Variants in NRG3 observed in about 807,000 individuals in gnomAD.
NRG3 encodes the protein neuregulin 3.
Under a neutral mutation model 66.9 loss-of-function variants are expected in NRG3, and 31 were observed. The observed-to-expected ratio is 0.46, with a 90% CI of 0.35 to 0.63. NRG3 has a LOEUF of 0.63. Ranked by LOEUF, NRG3 falls within the 20% of genes least tolerant of loss-of-function variation. NRG3 has a pLI of 0.00. For missense variants in NRG3, 910 were observed against 878.9 expected (o/e 1.04, Z -0.45); for synonymous variants, 393 against 359.4 (o/e 1.09, Z -1.06).
intron 1 of NRG3, among the ~76,000 whole-genome samples, chr10:81,913,875 C>A (rs1845420067): frequency 1.3e-5 from 2 of 152,268 alleles, no homozygotes; most frequent in Non-Finnish European, 2.9e-5. Flanking sequence ...TTGAAACATA[C>A]TTTAAAAGAT....
rs186403093 is a variant in NRG3, at chr10:82,531,812, T to C, written c.953+172944T>C. On this transcript the variant is annotated intron_variant, in intron 2 of 8. Coordinates refer to ENST00000372141, the MANE Select transcript of NRG3 (RefSeq NM_001010848.4). ...TTTTCTTTAAATTTTTATTTTGTAATGTTAAGAACATTTAACATGATACCT... is the reference window on the plus strand; with the variant it reads ...TTTTCTTTAAATTTTTATTTTGTAACGTTAAGAACATTTAACATGATACCT... Among the ~76,000 whole-genome samples the C allele has an allele frequency of 1.4e-4, 21 of 152,036 alleles. No individual in the cohort carries two copies. In the East Asian group the frequency reaches 4.1e-3, roughly 29 times the overall value.
chr10:82,492,113 C>T (rs1480981713), intron 2 of NRG3, among the ~76,000 whole-genome samples: 1 of 152,116 alleles, frequency 6.6e-6, no homozygotes, highest in African/African-American at 2.4e-5. Flanking sequence ...CTCTTTGAAT[C>T]AATTGGCGTT....
At chr10:82,598,690 AC>A (rs2047432005) in intron 2 of NRG3, among the ~76,000 whole-genome samples, 1 of 152,212 alleles carries the variant, frequency 6.6e-6, no homozygotes, top group Non-Finnish European at 1.5e-5. Flanking sequence ...TTTGTGAAAT[AC>A]TGTCTCTGGT....
rs1011873363 is a variant in NRG3, at chr10:82,528,994, T to C, written c.953+170126T>C. Among the ~76,000 whole-genome samples the C allele has an allele frequency of 3.3e-5, 5 of 152,328 alleles. No individual in the cohort carries two copies. In the East Asian group the frequency reaches 9.6e-4, roughly 29 times the overall value. ...GTAATAAAATTGTCATTAATAACCA[T>C]GACATTTAAATAATCTGGAATGCTT... is the stretch of plus-strand genomic sequence containing the variant. On this transcript the variant is annotated intron_variant, in intron 2 of 8. Coordinates refer to ENST00000372141, the MANE Select transcript of NRG3 (RefSeq NM_001010848.4).
chr10:82,051,670 G>A, intron 1 of NRG3, among the ~76,000 whole-genome samples: 1 of 152,152 alleles, frequency 6.6e-6, no homozygotes. Flanking sequence ...TATGAAGGAT[G>A]AAAAATGAGT....
intron 2 of NRG3, among the ~76,000 whole-genome samples, chr10:82,669,650 C>A (rs1046431326): frequency 6.6e-6 from 1 of 152,100 alleles, no homozygotes; most frequent in African/African-American, 2.4e-5. Flanking sequence ...CGCAACATGC[C>A]GGGCGCGGTG....
chr10:82,514,184 T>C (rs972900510), intron 2 of NRG3, among the ~76,000 whole-genome samples: 3 of 152,230 alleles, frequency 2.0e-5, no homozygotes, highest in African/African-American at 7.2e-5. Flanking sequence ...CAGAATCTCT[T>C]TAGTTTAACA....
At chr10:82,043,873 T>C (rs111972008) in intron 1 of NRG3, among the ~76,000 whole-genome samples, 111 of 152,224 alleles carry the variant, frequency 7.3e-4, no homozygotes, top group African/African-American at 2.5e-3. Flanking sequence ...ATATTTCTGG[T>C]GTACAAAACA....
chr10:82,980,094 G>T (rs1436206675), intron 8 of NRG3, among the ~76,000 whole-genome samples: 3 of 151,848 alleles, frequency 2.0e-5, no homozygotes, highest in African/African-American at 7.3e-5. Flanking sequence ...GGTCCCAGCT[G>T]CTTGGGAGGC....
chr10:82,288,455 C>T (rs2079542704), intron 1 of NRG3, among the ~76,000 whole-genome samples: 1 of 152,114 alleles, frequency 6.6e-6, no homozygotes, highest in Non-Finnish European at 1.5e-5. Context: ...GAAGTGCTTT[C>T]ACTGAGGCTC....
intron 2 of NRG3, among the ~76,000 whole-genome samples, chr10:82,419,153 C>G: frequency 6.6e-6 from 1 of 152,098 alleles, no homozygotes; most frequent in South Asian, 2.1e-4. Context: ...CTACCCTGAG[C>G]TTAGTGAAAT....
At chr10:82,200,798 G>C (rs995496761) in intron 1 of NRG3, among the ~76,000 whole-genome samples, 1 of 152,054 alleles carries the variant, frequency 6.6e-6, no homozygotes, top group African/African-American at 2.4e-5. Context: ...GGAGTTGAGA[G>C]TTTCAGAAAA....
intron 1 of NRG3, among the ~76,000 whole-genome samples, chr10:82,253,365 A>C (rs961400303): frequency 6.6e-6 from 1 of 152,108 alleles, no homozygotes; most frequent in Non-Finnish European, 1.5e-5. Flanking sequence ...CCTTCTCCAC[A>C]TTGACAACCA....
chr10:82,890,444 G>A (rs188279422), intron 4 of NRG3, among the ~76,000 whole-genome samples: 5 of 151,916 alleles, frequency 3.3e-5, no homozygotes, highest in African/African-American at 4.8e-5. Context: ...TGTATCACCC[G>A]AACAAAACTG....
In NRG3 at chr10:82,594,555, C is replaced by T. The variant is rs979299847; in HGVS notation, c.954-144022C>T. Among the ~76,000 whole-genome samples the T allele has an allele frequency of 7.9e-5, 12 of 152,142 alleles. 1 individual carries two copies. The highest frequency in any genetic ancestry group is 5.9e-4 in the Admixed American group (9 of 15,272). ...TAATGGTTATTTTAAAAAAATTTCT[C>T]ATCCACACTACTGGTGCTTATAGAT... On this transcript the variant is annotated intron_variant, in intron 2 of 8. Coordinates refer to ENST00000372141, the MANE Select transcript of NRG3 (RefSeq NM_001010848.4).
intron 2 of NRG3, among the ~76,000 whole-genome samples, chr10:82,414,503 A>T (rs74144257): frequency 0.017 from 2,527 of 152,260 alleles, 83 homozygotes; most frequent in African/African-American, 0.058. Context: ...ACACACAAAG[A>T]CAGGAAGTGA....
At chr10:81,913,609 A>C (rs960983233) in intron 1 of NRG3, among the ~76,000 whole-genome samples, 3 of 151,918 alleles carry the variant, frequency 2.0e-5, no homozygotes, top group African/African-American at 7.3e-5. Context: ...TTTTTGGTAG[A>C]GGTGGGGTTT....
At chr10:82,908,952 C>CAGTCAGGAGGGAGAGGA (rs1845044675) in intron 4 of NRG3, among the ~76,000 whole-genome samples, 1 of 128,948 alleles carries the variant, frequency 7.8e-6, no homozygotes, top group Non-Finnish European at 1.7e-5. Flanking sequence ...GAGGGAGAGG[C>CAGTCAGGAGGGAGAGGA]AGCCAATGGA....
intron 2 of NRG3, among the ~76,000 whole-genome samples, chr10:82,629,126 G>A (rs1019832749): frequency 2.0e-5 from 3 of 152,158 alleles, no homozygotes; most frequent in Admixed American, 6.6e-5. Context: ...ACATTAGGGA[G>A]GAGCATTCAA....
Sources: allele counts gnomAD v4.1 joint callset (sites outside exome capture counted in the v4.1 genomes callset), GRCh38; gene constraint gnomAD v4.1.1; transcripts MANE v1.5; gene names NCBI Gene and HGNC (gene_info 2026-07-23, HGNC 2026-07-21).